The following GAB1 variants were observed in gnomAD, a reference collection of about 807,000 sequenced individuals.
GAB1 encodes the protein GRB2-associated-binding protein 1.
In GAB1, 19 loss-of-function variants were observed where a neutral mutation model predicts 66.5. That is an observed-to-expected ratio of 0.29 (90% confidence interval 0.20 to 0.42). The LOEUF is 0.42. Ranked by LOEUF, GAB1 falls within the 10% of genes least tolerant of loss-of-function variation. The pLI, the probability that GAB1 is intolerant of heterozygous loss-of-function variation, is 1.00. For synonymous variants in GAB1, 294 were observed against 301.4 expected (o/e 0.98, Z 0.25); for missense variants, 732 against 858.5 (o/e 0.85, Z 1.84).
intron 1 of GAB1, chr4:143,395,002 C>T (rs1385231284): frequency 6.6e-6 from 1 of 152,158 alleles, no homozygotes; most frequent in Non-Finnish European, 1.5e-5. Context: ...GCTTTCAAGC[C>T]TGTACAGCTA....
At chr4:143,383,804 A>G (rs1730762064) in intron 1 of GAB1, among the ~76,000 whole-genome samples, 1 of 152,200 alleles carries the variant, frequency 6.6e-6, no homozygotes, top group Admixed American at 6.5e-5. Context: ...TCTTGGCACA[A>G]TGGCTCACAC....
chr4:143,379,730 G>T (rs1202214484), intron 1 of GAB1, among the ~76,000 whole-genome samples: 2 of 151,904 alleles, frequency 1.3e-5, no homozygotes, highest in Non-Finnish European at 2.9e-5. Context: ...GGCACTACAT[G>T]TGCACACCAC....
rs1736127773 is a variant in GAB1, at chr4:143,472,486, C to T, written c.*3297C>T. 2 of 152,046 alleles carry T rather than the reference C, an allele frequency of 1.3e-5. No homozygotes were observed. The highest frequency in any genetic ancestry group is 4.2e-4 in the South Asian group (2 of 4,808). The allele number at this position is 152,046 out of a possible 1,614,324, so 9.4% of individuals were successfully genotyped here. ...ACTTATGGGAAGTTGTCTGCTTCCC[C>T]CTTTAGAGAAAACAGTATTTTTATA... On this transcript the variant is annotated 3_prime_UTR_variant, in exon 10 of 10. Transcript: ENST00000262994.
Position 143,423,792 on chromosome 4 carries a change from G to GTATATATATATATATA in GAB1, c.367+8051_367+8066dup, listed in dbSNP as rs35559967. On this transcript the variant is annotated intron_variant, in intron 2 of 9. Coordinates refer to ENST00000262994, the MANE Select transcript of GAB1 (RefSeq NM_002039.4). The stretch of plus-strand genomic sequence containing the variant: ...CTCCATCTCAAAAAAAAAAAAAAGT[G>GTATATATATATATATA]TATATATATATATATATATATATAT... Among the ~76,000 whole-genome samples, 14 of 67,760 alleles carry GTATATATATATATATA rather than the reference G, an allele frequency of 2.1e-4. 1 individual carries two copies. Among genetic ancestry groups the GTATATATATATATATA allele is most frequent in the South Asian group, 9.1e-4 (1 of 1,096 alleles). 44.5% of individuals were successfully genotyped at this position (67,760 alleles called of 152,430 possible).
chr4:143,414,578 T>C (rs1394626337), intron 1 of GAB1, among the ~76,000 whole-genome samples: 1 of 152,154 alleles, frequency 6.6e-6, no homozygotes, highest in East Asian at 1.9e-4. Flanking sequence ...CAACAGGCTG[T>C]GTGGCTAAAA....
chr4:143,417,811 G>T (rs1732777220), intron 2 of GAB1, among the ~76,000 whole-genome samples: 1 of 152,198 alleles, frequency 6.6e-6, no homozygotes, highest in Non-Finnish European at 1.5e-5. Flanking sequence ...AAGTAGTTTT[G>T]TAGAGCCAAG....
chr4:143,441,829 C>G (rs889166634), intron 6 of GAB1, among the ~76,000 whole-genome samples: 24 of 152,334 alleles, frequency 1.6e-4, no homozygotes, highest in African/African-American at 4.3e-4. Context: ...CTCCTAGCTG[C>G]TTTTTATGTG....
At chr4:143,457,584 G>A (rs1735258221) in intron 6 of GAB1, 2 of 575,288 alleles carry the variant, frequency 3.5e-6, no homozygotes, top group South Asian at 2.7e-5. Context: ...TTTTTGCACA[G>A]GGCTCTGTTG....
chr4:143,400,017 C>T (rs1731681561), intron 1 of GAB1, among the ~76,000 whole-genome samples: 1 of 151,010 alleles, frequency 6.6e-6, no homozygotes, highest in South Asian at 2.1e-4. Context: ...TGGCTCACTG[C>T]AACCTCCGTC....
chr4:143,451,488 AT>A (rs1734928704), intron 6 of GAB1, among the ~76,000 whole-genome samples: 1 of 152,118 alleles, frequency 6.6e-6, no homozygotes, highest in Admixed American at 6.5e-5. Flanking sequence ...AAACTTTAAG[AT>A]TTATATATTT....
intron 1 of GAB1, chr4:143,395,772 G>A (rs1312349304): frequency 2.5e-6 from 1 of 401,476 alleles, no homozygotes; most frequent in South Asian, 1.8e-5. Flanking sequence ...CCATTATGCT[G>A]TGCCCCTTCT....
At chr4:143,346,715 A>T (rs1729003903) in intron 1 of GAB1, among the ~76,000 whole-genome samples, 1 of 152,212 alleles carries the variant, frequency 6.6e-6, no homozygotes, top group Non-Finnish European at 1.5e-5. Context: ...TTTACTTTAC[A>T]TGTTCTTGAC....
Position 143,383,374 on chromosome 4 carries a change from C to T in GAB1, c.73-32103C>T, listed in dbSNP as rs559155081. ...TTTCCAAAACCACATTCTTTGTCCT[C>T]TTATAGAACCCAATGAAAGGAGGAA... is the stretch of plus-strand genomic sequence containing the variant. On this transcript the variant is annotated intron_variant, in intron 1 of 9. Coordinates refer to ENST00000262994, the MANE Select transcript of GAB1 (RefSeq NM_002039.4). Among the ~76,000 whole-genome samples, 4 of 152,326 alleles carry T rather than the reference C, an allele frequency of 2.6e-5. No individual in the cohort carries two copies. The South Asian group carries it at 8.3e-4, about 32-fold the overall frequency.
intron 1 of GAB1, among the ~76,000 whole-genome samples, chr4:143,361,151 T>C (rs1729649140): frequency 6.6e-6 from 1 of 152,012 alleles, no homozygotes; most frequent in Admixed American, 6.6e-5. Flanking sequence ...TCTTTTGCAA[T>C]ACGCAACCTT....
At chr4:143,439,543 A>G (rs552091669) in intron 4 of GAB1, 4 of 403,220 alleles carry the variant, frequency 9.9e-6, no homozygotes, top group Non-Finnish European at 1.8e-5. Flanking sequence ...TAGATAACCT[A>G]TCTTATCCCA....
intron 1 of GAB1, among the ~76,000 whole-genome samples, chr4:143,342,438 G>GT: frequency 6.6e-6 from 1 of 150,676 alleles, no homozygotes; most frequent in African/African-American, 2.4e-5. Context: ...AACACACAGC[G>GT]TTTTTTGAGA....
intron 1 of GAB1, among the ~76,000 whole-genome samples, chr4:143,401,627 GGTAAGCAA>G (rs1432016018): frequency 6.6e-6 from 1 of 152,094 alleles, no homozygotes; most frequent in African/African-American, 2.4e-5. Context: ...ATTCTAGCAT[GGTAAGCAA>G]GACTTGGAAA....
At chr4:143,441,711 C>T (rs1322439240) in intron 6 of GAB1, among the ~76,000 whole-genome samples, 1 of 152,108 alleles carries the variant, frequency 6.6e-6, no homozygotes, top group Non-Finnish European at 1.5e-5. Context: ...TTTCTGTTTT[C>T]TTTTCTGATT....
At chr4:143,354,245 T>C (rs1218843171) in intron 1 of GAB1, among the ~76,000 whole-genome samples, 1 of 152,240 alleles carries the variant, frequency 6.6e-6, no homozygotes, top group East Asian at 1.9e-4. Flanking sequence ...GGTATATATC[T>C]TGGTGTATCT....
Sources: allele counts gnomAD v4.1 joint callset (sites outside exome capture counted in the v4.1 genomes callset), GRCh38; gene constraint gnomAD v4.1.1; transcripts MANE v1.5; gene names NCBI Gene and HGNC (gene_info 2026-07-23, HGNC 2026-07-21).